The following TMPRSS11A variants were observed in gnomAD, a reference collection of about 807,000 sequenced individuals.
TMPRSS11A encodes the protein transmembrane serine protease 11A.
A neutral mutation model predicts 58.9 loss-of-function variants in TMPRSS11A; 53 were observed. The observed-to-expected ratio is 0.90, with a 90% CI of 0.72 to 1.13. TMPRSS11A has a LOEUF of 1.13. Ranked by LOEUF, TMPRSS11A falls within the 50% of genes most tolerant of loss-of-function variation. TMPRSS11A has a pLI of 0.00. For synonymous variants in TMPRSS11A, 167 were observed against 169.8 expected, an observed-to-expected ratio of 0.98 and a Z score of 0.13; for missense variants, 493 against 499.3, an observed-to-expected ratio of 0.99 and a Z score of 0.12.
chr4:67,914,786 G>A, intron 8 of TMPRSS11A, 56 bp from the exon 9 acceptor site: 1 of 1,452,154 alleles, frequency 6.9e-7, no homozygotes, highest in African/African-American at 1.4e-5. Flanking sequence ...TGGCTAGAGT[G>A]AAGTGAGCAG....
intron 7 of TMPRSS11A, among the ~76,000 whole-genome samples, chr4:67,920,060 G>A (rs1720278680): frequency 6.6e-6 from 1 of 152,134 alleles, no homozygotes; most frequent in Non-Finnish European, 1.5e-5. Flanking sequence ...AATGGATGTG[G>A]TAAAGTCTAT....
intron 8 of TMPRSS11A, 31 bp downstream of exon 8, chr4:67,918,942 A>C (rs181778991): frequency 6.2e-7 from 1 of 1,612,222 alleles, no homozygotes; most frequent in Non-Finnish European, 8.5e-7. Flanking sequence ...GACAGGGCTT[A>C]GCGCTCTGTT....
At chr4:67,916,290 A>G (rs777774408) in intron 8 of TMPRSS11A, among the ~76,000 whole-genome samples, 1 of 152,148 alleles carries the variant, frequency 6.6e-6, no homozygotes, top group Non-Finnish European at 1.5e-5. Context: ...AACTAAGTAC[A>G]TTTGAAAAAA....
rs777713784 is a variant in TMPRSS11A, at chr4:67,922,789, T to C, written c.658A>G (p.Thr220Ala). Residue 220 changes from threonine to alanine, a missense_variant, in exon 7 of 10, where the codon ACA becomes GCA. By Grantham distance (58) the Thr-to-Ala change is moderately conservative. Coordinates refer to ENST00000508048, the MANE Select transcript of TMPRSS11A (RefSeq NM_001114387.2). ...CAGTGTGCTGCAGTGACAAGCCATG[T>C]GTTACTAATCAAGGTGGCCCCACAC... Reference protein sequence around the residue: ...HQCGATLISNTWLVTAAHCFQ... With the variant: ...HQCGATLISNAWLVTAAHCFQ... 5.3e-5 allele frequency: 85 copies of C among 1,614,018 alleles called. 4 individuals carry two copies. In the South Asian group the frequency reaches 9.2e-4, roughly 18 times the overall value.
intron 1 of TMPRSS11A, among the ~76,000 whole-genome samples, chr4:67,958,752 A>ACC (rs1333532112): frequency 3.3e-5 from 5 of 152,062 alleles, no homozygotes; most frequent in African/African-American, 1.2e-4. Flanking sequence ...CCAGGGGCAA[A>ACC]ATGATATGGT....
intron 9 of TMPRSS11A, among the ~76,000 whole-genome samples, chr4:67,912,400 G>A (rs1158076650): frequency 6.6e-6 from 1 of 152,040 alleles, no homozygotes; most frequent in Non-Finnish European, 1.5e-5. Context: ...CTATGGTGTT[G>A]GGATTATCTG....
chr4:67,924,267 G>A (rs1218344435), intron 5 of TMPRSS11A, 101 bp from the exon 6 acceptor site: 2 of 977,388 alleles, frequency 2.0e-6, no homozygotes, highest in Non-Finnish European at 3.3e-6. Context: ...ATGGATTCTA[G>A]ACAGTTGAAC....
At chr4:67,924,784 T>G (rs181302678) in intron 5 of TMPRSS11A, among the ~76,000 whole-genome samples, 1 of 152,228 alleles carries the variant, frequency 6.6e-6, no homozygotes, top group Non-Finnish European at 1.5e-5. Flanking sequence ...CACCCATGAT[T>G]TAATTTATCT....
At chr4:67,947,832 G>A (rs767588074) in intron 1 of TMPRSS11A, among the ~76,000 whole-genome samples, 5 of 152,138 alleles carry the variant, frequency 3.3e-5, no homozygotes, top group Non-Finnish European at 5.9e-5. Flanking sequence ...GACCCAATAA[G>A]GCACCTGGAC....
At chr4:67,955,045 T>C (rs913784065) in intron 1 of TMPRSS11A, among the ~76,000 whole-genome samples, 2 of 152,194 alleles carry the variant, frequency 1.3e-5, no homozygotes, top group Non-Finnish European at 2.9e-5. Flanking sequence ...TGAGGATACA[T>C]TTTGTATGTA....
In TMPRSS11A at chr4:67,910,341, C is replaced by T. The variant is rs147362238; in HGVS notation, c.*1001G>A. ...TATGATTGCAATAGTTGGGACATTG[C>T]CATAAGCCTTATAAGCTATTTGGCT... On this transcript the variant is annotated 3_prime_UTR_variant, in exon 10 of 10. Coordinates refer to ENST00000508048, the MANE Select transcript of TMPRSS11A (RefSeq NM_001114387.2). 1 of 152,092 alleles carries T rather than the reference C, an allele frequency of 6.6e-6. No homozygotes were observed. Among genetic ancestry groups the T allele is most frequent in the African/African-American group, 2.4e-5 (1 of 41,526 alleles). The allele number at this position is 152,092 out of a possible 1,614,324, so 9.4% of individuals were successfully genotyped here.
At chr4:67,958,404 C>G (rs1022191188) in intron 1 of TMPRSS11A, among the ~76,000 whole-genome samples, 3 of 152,206 alleles carry the variant, frequency 2.0e-5, no homozygotes, top group African/African-American at 7.2e-5. Context: ...ATCAGTGTGA[C>G]CTGCATGTGA....
rs1720251866 is a variant in TMPRSS11A, at chr4:67,919,206, A to G, written c.719T>C (p.Val240Ala). ...QKYKNPHQWT[V>A]SFGTKINPPL... ...AGGGTTGATTTTTGTTCCAAAACTA[A>G]CAGTCCATTGATGTGGATTTTTATA... Residue 240 changes from valine (V) to alanine (A), a missense_variant, in exon 8 of 10, where the codon GTT (valine) becomes GCT (alanine). Coordinates refer to ENST00000508048, the MANE Select transcript of TMPRSS11A (RefSeq NM_001114387.2). 2 of 1,614,004 alleles carry G rather than the reference A, an allele frequency of 1.2e-6. No homozygotes were observed. The highest frequency in any genetic ancestry group is 1.7e-5 in the Admixed American group (1 of 60,004).
intron 3 of TMPRSS11A, among the ~76,000 whole-genome samples, chr4:67,940,534 G>C (rs547026709): frequency 6.6e-6 from 1 of 152,272 alleles, no homozygotes; most frequent in South Asian, 2.1e-4. Flanking sequence ...ACATAGAAGT[G>C]TTCATAAGAG....
chr4:67,959,476 A>G (rs140152318), intron 1 of TMPRSS11A, among the ~76,000 whole-genome samples: 1 of 152,364 alleles, frequency 6.6e-6, no homozygotes, highest in East Asian at 1.9e-4. Flanking sequence ...AATACCTAGA[A>G]TGCATGAAAA....
At chr4:67,930,397 T>C (rs908300022) in intron 4 of TMPRSS11A, among the ~76,000 whole-genome samples, 4 of 152,200 alleles carry the variant, frequency 2.6e-5, no homozygotes, top group South Asian at 2.1e-4. Context: ...TCCATGACAA[T>C]TGGCCCTCTA....
At chr4:67,920,924 G>A (rs986201058) in intron 7 of TMPRSS11A, among the ~76,000 whole-genome samples, 1 of 152,244 alleles carries the variant, frequency 6.6e-6, no homozygotes, top group African/African-American at 2.4e-5. Flanking sequence ...GACATGGATA[G>A]GGCTGGAGGT....
chr4:67,934,881 G>A (rs2109752367), intron 3 of TMPRSS11A, among the ~76,000 whole-genome samples: 1 of 152,108 alleles, frequency 6.6e-6, no homozygotes, highest in Non-Finnish European at 1.5e-5. Flanking sequence ...GGAGTGTTTT[G>A]TGGCTAACAC....
chr4:67,953,460 A>G (rs1278409588), intron 1 of TMPRSS11A, among the ~76,000 whole-genome samples: 2 of 152,216 alleles, frequency 1.3e-5, no homozygotes, highest in African/African-American at 4.8e-5. Flanking sequence ...AAAGTTTTCC[A>G]AATGTACTTT....
Sources: allele counts gnomAD v4.1 joint callset (sites outside exome capture counted in the v4.1 genomes callset), GRCh38; gene constraint gnomAD v4.1.1; transcripts MANE v1.5; gene names NCBI Gene and HGNC (gene_info 2026-07-23, HGNC 2026-07-21).